The following LRRC27 variants were observed in gnomAD, a reference collection of about 807,000 sequenced individuals.
LRRC27 encodes the protein leucine rich repeat containing 27, also known as leucine-rich repeat-containing protein 27.
LRRC27 carries 57 observed loss-of-function variants against 55.0 expected under a neutral mutation model. That is an observed-to-expected ratio of 1.04 (90% CI 0.84 to 1.29). The LOEUF is 1.29. LRRC27 is among the 50% of genes most tolerant of loss of function. LRRC27 has a pLI of 0.00. For missense variants in LRRC27, 721 were observed against 651.5 expected (o/e 1.11, Z -1.16); for synonymous variants, 278 against 251.9 (o/e 1.10, Z -0.98).
chr10:132,339,840 C>T (rs1366336171), intron 3 of LRRC27, among the ~76,000 whole-genome samples: 2 of 152,210 alleles, frequency 1.3e-5, no homozygotes, highest in East Asian at 1.9e-4. Context: ...AATAAGTGTA[C>T]AGTCCTCAAA....
At chr10:132,346,933 A>G (rs2067728181) in intron 5 of LRRC27, among the ~76,000 whole-genome samples, 2 of 152,244 alleles carry the variant, frequency 1.3e-5, no homozygotes, top group Admixed American at 1.3e-4. Flanking sequence ...TGTGGCAGCC[A>G]GGGGCGTGAT....
chr10:132,369,294 T>TA (rs2069162860), intron 10 of LRRC27, among the ~76,000 whole-genome samples: 1 of 152,218 alleles, frequency 6.6e-6, no homozygotes, highest in African/African-American at 2.4e-5. Flanking sequence ...GATGAAAACT[T>TA]ATGTCTACAC....
At chr10:132,350,637 C>T (rs1247309172) in intron 6 of LRRC27, 1 of 152,656 alleles carries the variant, frequency 6.6e-6, no homozygotes, top group East Asian at 1.9e-4. Context: ...GGCCAGCCTC[C>T]TGGGACGTGG....
chr10:132,347,295 A>G (rs2474332), intron 5 of LRRC27, among the ~76,000 whole-genome samples: 123,111 of 150,532 alleles, frequency 0.82, 50,694 homozygotes, highest in African/African-American at 0.94. Context: ...GGCCTGTGTG[A>G]GAGGGTCAGG....
chr10:132,336,721 T>G, intron 2 of LRRC27: 1 of 742,120 alleles, frequency 1.3e-6, no homozygotes, highest in Non-Finnish European at 2.5e-6. Flanking sequence ...CAATAGATTT[T>G]GAAACCTAGA....
chr10:132,355,181 T>A (rs1233464742), intron 7 of LRRC27, among the ~76,000 whole-genome samples: 3 of 152,150 alleles, frequency 2.0e-5, no homozygotes, highest in Non-Finnish European at 4.4e-5. Context: ...GTTCAAGCAA[T>A]TCTCCTGCCT....
At chr10:132,364,304 C>T (rs200314526) in intron 9 of LRRC27, among the ~76,000 whole-genome samples, 40 of 149,432 alleles carry the variant, frequency 2.7e-4, no homozygotes, top group East Asian at 2.6e-3. Context: ...CACCCACGCC[C>T]GCACCAACAC....
rs959491147 is a variant in LRRC27 at position 132,361,427 on chromosome 10, T to C, written c.1171-30T>C. On this transcript the variant is annotated intron_variant, in intron 8 of 10. Coordinates refer to ENST00000368614, the MANE Select transcript of LRRC27 (RefSeq NM_030626.3). ...GTGGAAAAACATCATCTACTGGGATTCCAGAAATCATCTTGTTGCATTTTC... is the reference window on the plus strand; with the variant it reads ...GTGGAAAAACATCATCTACTGGGATCCCAGAAATCATCTTGTTGCATTTTC... The C allele has an allele frequency of 2.6e-6, 4 of 1,530,562 alleles. No individual in the cohort carries two copies. In the African/African-American group the frequency reaches 5.5e-5, roughly 21 times the overall value. The allele number at this position is 1,530,562 out of a possible 1,614,324, so 94.8% of individuals were successfully genotyped here.
intron 7 of LRRC27, among the ~76,000 whole-genome samples, chr10:132,355,112 G>C (rs764139404): frequency 6.6e-6 from 1 of 152,154 alleles, no homozygotes; most frequent in South Asian, 2.1e-4. Context: ...GTCTTGCTCC[G>C]TCACCCAGGC....
At chr10:132,332,064 C>T (rs1409885784), upstream of LRRC27, 3 of 295,178 alleles carry the variant, frequency 1.0e-5, no homozygotes, top group African/African-American at 6.7e-5. Flanking sequence ...CCACAACACG[C>T]ACACCCCCGC....
Position 132,348,746 on chromosome 10 carries a change from G to A in LRRC27, c.926+390G>A, listed in dbSNP as rs1051010468. ...GTGGGGGCAGGCAGTGAGCCAAGTG[G>A]GCACATTCTTGTGAGGCTTCGATCA... On this transcript the variant is annotated intron_variant, in intron 6 of 10. Transcript: ENST00000368614. This position sits in a 1 kb window ranked among gnomAD's most constrained non-coding sequence, Gnocchi z 4.2. Among the ~76,000 whole-genome samples, 2 of 152,210 alleles carry A rather than the reference G, an allele frequency of 1.3e-5. No homozygotes were observed. The highest frequency in any genetic ancestry group is 4.8e-5 in the African/African-American group (2 of 41,452).
intron 2 of LRRC27, chr10:132,337,154 C>T: frequency 1.7e-6 from 2 of 1,190,838 alleles, no homozygotes; most frequent in Non-Finnish European, 2.1e-6. Flanking sequence ...CCAGACATGG[C>T]TCTGGCTATT....
At chr10:132,368,471 AAATAG>A (rs1485601298) in intron 10 of LRRC27, among the ~76,000 whole-genome samples, 2 of 152,214 alleles carry the variant, frequency 1.3e-5, no homozygotes, top group African/African-American at 4.8e-5. Flanking sequence ...AAGAATAGAC[AAATAG>A]AATAGAGAGC....
chr10:132,364,959 C>A (rs975378270), intron 9 of LRRC27, among the ~76,000 whole-genome samples: 4 of 152,198 alleles, frequency 2.6e-5, no homozygotes, highest in African/African-American at 9.7e-5. Flanking sequence ...ATTAAAGGAA[C>A]CCCAAACCCC....
At chr10:132,331,422 C>CT, upstream of LRRC27, 1 of 1,603,682 alleles carries the variant, frequency 6.2e-7, no homozygotes, top group Non-Finnish European at 8.5e-7. Context: ...AAAACCCTTC[C>CT]TCAGGACACT....
chr10:132,353,648 C>T (rs993966387), intron 7 of LRRC27, among the ~76,000 whole-genome samples: 4 of 152,166 alleles, frequency 2.6e-5, no homozygotes, highest in Non-Finnish European at 4.4e-5. Context: ...GAGTGTGGTC[C>T]GGGCTGCACC....
intron 10 of LRRC27, chr10:132,367,020 G>A (rs1229120667): frequency 8.7e-7 from 1 of 1,149,018 alleles, no homozygotes; most frequent in East Asian, 8.1e-5. Context: ...TTATGAGTAT[G>A]ACCTTGTCCT....
chr10:132,365,076 A>C (rs542843430), intron 9 of LRRC27, among the ~76,000 whole-genome samples: 1 of 152,418 alleles, frequency 6.6e-6, no homozygotes, highest in Non-Finnish European at 1.5e-5. Context: ...GTGGGAACAG[A>C]AACCTGCTTT....
intron 2 of LRRC27, among the ~76,000 whole-genome samples, chr10:132,336,073 A>G (rs772311736): frequency 3.0e-4 from 46 of 152,142 alleles, no homozygotes; most frequent in Non-Finnish European, 5.6e-4. Flanking sequence ...ATTTCCTTCA[A>G]CCATAACCAG....
Sources: gnomAD v4.1 joint callset for allele counts (sites outside exome capture counted in the v4.1 genomes callset) on GRCh38, gnomAD v4.1.1 for gene constraint, Gnocchi (gnomAD v3.1) non-coding constraint, MANE v1.5 for transcripts, NCBI Gene and HGNC (gene_info 2026-07-23, HGNC 2026-07-21) for gene names.